Variants in MYO18B observed in about 807,000 individuals in gnomAD.
MYO18B encodes myosin XVIIIB.
Under a neutral mutation model 273.0 loss-of-function variants are expected in MYO18B, and 204 were observed. The observed-to-expected ratio is 0.75, with a 90% CI of 0.67 to 0.84. The LOEUF is 0.84. MYO18B is among the 40% of genes least tolerant of loss of function. The pLI is 0.00. For synonymous variants in MYO18B, 1,330 were observed against 1,305.7 expected, an observed-to-expected ratio of 1.02 and a Z score of -0.40; for missense variants, 3,212 against 3,287.6, an observed-to-expected ratio of 0.98 and a Z score of 0.56.
chr22:25,826,554 A>C, intron 14 of MYO18B, 55 bp downstream of exon 14: 1 of 1,479,584 alleles, frequency 6.8e-7, no homozygotes, highest in Non-Finnish European at 9.4e-7. Flanking sequence ...GCACAGATGA[A>C]TTCACATACC....
the MYO18B span, among the ~76,000 whole-genome samples, chr22:26,063,524 G>A: frequency 6.6e-6 from 1 of 152,180 alleles, no homozygotes; most frequent in African/African-American, 2.4e-5. Flanking sequence ...AGAGGGGGCA[G>A]TCAGGGCTTG....
chr22:25,856,802 A>G (rs1251562162), intron 21 of MYO18B, among the ~76,000 whole-genome samples: 1 of 152,202 alleles, frequency 6.6e-6, no homozygotes, highest in East Asian at 1.9e-4. Context: ...CTTGTTAGCC[A>G]AGTTAGAGAG....
chr22:25,974,526 G>A (rs1272634935), intron 39 of MYO18B, among the ~76,000 whole-genome samples: 1 of 152,132 alleles, frequency 6.6e-6, no homozygotes, highest in Non-Finnish European at 1.5e-5. Context: ...TTCTGCAAAG[G>A]ACCAGGTAGT....
intron 7 of MYO18B, among the ~76,000 whole-genome samples, chr22:25,773,999 G>A (rs1021385174): frequency 5.9e-5 from 9 of 152,172 alleles, no homozygotes; most frequent in Non-Finnish European, 1.2e-4. Flanking sequence ...GAAGTCAGAA[G>A]CCCCTAGGAC....
rs540005954 is a variant in MYO18B, at chr22:25,834,044, T to G, written c.3060+1047T>G. ...TGTGCTTCCTCACCTGTGCCTCTCC[T>G]AGGAAAGGGTGGGCCTGAAGGGCTG... On this transcript the variant is annotated intron_variant, in intron 16 of 43. Coordinates refer to ENST00000335473, the MANE Select transcript of MYO18B (RefSeq NM_032608.7). Among the ~76,000 whole-genome samples the G allele has an allele frequency of 3.9e-5, 6 of 152,194 alleles. No individual in the cohort carries two copies. The East Asian group carries it at 1.2e-3, about 29-fold the overall frequency.
intron 7 of MYO18B, among the ~76,000 whole-genome samples, chr22:25,775,853 A>G (rs2086893838): frequency 6.6e-6 from 1 of 150,672 alleles, no homozygotes; most frequent in Admixed American, 6.6e-5. Flanking sequence ...CTGTCTTCCC[A>G]CCAGAAGGCA....
chr22:25,795,645 C>T (rs1693250222), intron 11 of MYO18B, among the ~76,000 whole-genome samples: 1 of 152,156 alleles, frequency 6.6e-6, no homozygotes, highest in African/African-American at 2.4e-5. Flanking sequence ...CTGTTTGCTC[C>T]AGCTGCAGTT....
At chr22:26,032,521 T>TG (rs1936689585), downstream of MYO18B, among the ~76,000 whole-genome samples, 1 of 149,940 alleles carries the variant, frequency 6.7e-6, no homozygotes, top group Admixed American at 6.6e-5. Flanking sequence ...CACCCTGTTT[T>TG]TTTTTTTTTT....
chr22:25,879,241 G>A, intron 25 of MYO18B, among the ~76,000 whole-genome samples: 1 of 152,206 alleles, frequency 6.6e-6, no homozygotes, highest in East Asian at 1.9e-4. Context: ...GCCTTGCCAT[G>A]TGGCCTGCGA....
intron 7 of MYO18B, among the ~76,000 whole-genome samples, chr22:25,774,584 G>A (rs141136065): frequency 2.6e-3 from 389 of 152,310 alleles, no homozygotes; most frequent in African/African-American, 8.1e-3. Context: ...GGTGGGGTGC[G>A]GCACTGGTCC....
chr22:25,952,427 C>T lies in MYO18B; in HGVS notation c.5970+4C>T, dbSNP rs767087098. On this transcript the variant is annotated splice_donor_region_variant and intron_variant, in intron 38 of 43. Coordinates refer to ENST00000335473, the MANE Select transcript of MYO18B (RefSeq NM_032608.7). ...GGTGCAGATTAAGAGATTTGAGGTA[C>T]GTAGTGATTCATAAATAGTGCCTGG... is the stretch of plus-strand genomic sequence containing the variant. 17 of 1,612,740 alleles carry T rather than the reference C, an allele frequency of 1.1e-5. No homozygotes were observed. The highest frequency in any genetic ancestry group is 2.2e-5 in the East Asian group (1 of 44,860).
At chr22:25,796,966 G>T (rs1406526723) in intron 11 of MYO18B, among the ~76,000 whole-genome samples, 1 of 152,146 alleles carries the variant, frequency 6.6e-6, no homozygotes, top group African/African-American at 2.4e-5. Flanking sequence ...GGTGGCTCAC[G>T]CCTGTAATCC....
At chr22:26,055,572 G>A in the MYO18B span, among the ~76,000 whole-genome samples, 1 of 152,216 alleles carries the variant, frequency 6.6e-6, no homozygotes, top group Middle Eastern at 3.2e-3. Context: ...AGCCATCGTG[G>A]AAAGTGGTGT....
At chr22:25,910,320 A>G (rs906667898) in intron 32 of MYO18B, among the ~76,000 whole-genome samples, 2 of 152,140 alleles carry the variant, frequency 1.3e-5, no homozygotes, top group Non-Finnish European at 2.9e-5. Flanking sequence ...TTGTACGCTC[A>G]TGTGGTGGAG....
intron 38 of MYO18B, 60 bp from the exon 39 acceptor site, chr22:25,955,119 C>T: frequency 1.4e-6 from 2 of 1,466,524 alleles, no homozygotes; most frequent in South Asian, 1.4e-5. Context: ...CCTGAGGCTC[C>T]CTTGTTTCAT....
intron 11 of MYO18B, among the ~76,000 whole-genome samples, chr22:25,786,251 T>C (rs2087382688): frequency 6.6e-6 from 1 of 152,132 alleles, no homozygotes; most frequent in Non-Finnish European, 1.5e-5. Context: ...AATGCAATCA[T>C]GTGAGATAAG....
Position 25,829,036 on chromosome 22 carries a change from G to T in MYO18B, c.2979+68G>T, listed in dbSNP as rs957233266. ...ATGGTGTAAGGTCAGATGGGAAGGG[G>T]TGGGATTCCCATTCCCCAGGAGCCT... On this transcript the variant is annotated intron_variant, in intron 15 of 43. Transcript: ENST00000335473. 121 of 1,518,172 alleles carry T rather than the reference G, an allele frequency of 8.0e-5. No individual in the cohort carries two copies. In the East Asian group the frequency reaches 2.7e-3, roughly 34 times the overall value. The allele number at this position is 1,518,172 out of a possible 1,614,324, so 94.0% of individuals were successfully genotyped here.
intron 34 of MYO18B, among the ~76,000 whole-genome samples, chr22:25,928,831 G>A (rs1021391414): frequency 2.6e-5 from 4 of 152,074 alleles, no homozygotes; most frequent in African/African-American, 9.7e-5. Flanking sequence ...ACTGGACCAT[G>A]GATTTGAAAG....
chr22:25,878,197 C>T (rs2091253540), intron 25 of MYO18B, 149 bp downstream of exon 25: 4 of 615,488 alleles, frequency 6.5e-6, no homozygotes, highest in African/African-American at 1.9e-5. Context: ...TGTTATTGAA[C>T]CCATTTTACA....
Sources: allele counts gnomAD v4.1 joint callset (sites outside exome capture counted in the v4.1 genomes callset), GRCh38; gene constraint gnomAD v4.1.1; transcripts MANE v1.5; gene names NCBI Gene and HGNC (gene_info 2026-07-23, HGNC 2026-07-21).